Variants in PCDH9 observed in about 807,000 individuals in gnomAD.
PCDH9 encodes the protein protocadherin-9.
Under a neutral mutation model 70.6 loss-of-function variants are expected in PCDH9, and 24 were observed. The observed-to-expected ratio is 0.34, with a 90% CI of 0.25 to 0.48. PCDH9 has a LOEUF of 0.48. Among genes scored for constraint, PCDH9 ranks in the 20% least tolerant of loss-of-function variants. The probability of loss-of-function intolerance (pLI) is 0.99; values close to 1 mark genes in which losing one functional copy is unlikely to be tolerated. For synonymous variants in PCDH9, 562 were observed against 558.5 expected (o/e 1.01, Z -0.09); for missense variants, 1,281 against 1,503.6 (o/e 0.85, Z 2.45).
intron 3 of PCDH9, among the ~76,000 whole-genome samples, chr13:66,868,498 A>T (rs1488728013): frequency 4.0e-5 from 6 of 151,888 alleles, no homozygotes; most frequent in Admixed American, 2.6e-4. Context: ...TAAATATTTG[A>T]GGAACATCAA....
chr13:66,877,090 T>C (rs1594193430), intron 3 of PCDH9, among the ~76,000 whole-genome samples: 2 of 147,224 alleles, frequency 1.4e-5, no homozygotes, highest in South Asian at 2.2e-4. Context: ...GTCAGTCTTT[T>C]AACCATCAAA....
intron 3 of PCDH9, among the ~76,000 whole-genome samples, chr13:66,748,923 G>T (rs2079414490): frequency 6.6e-6 from 1 of 152,152 alleles, no homozygotes; most frequent in Non-Finnish European, 1.5e-5. Context: ...AATCATGGGG[G>T]AAGTCCCCCA....
At position 67,166,633 on chromosome 13, in the gene PCDH9, T is replaced by C. The variant is rs1225094526; in HGVS notation, c.3036+58772A>G. 9.9e-5 allele frequency among the ~76,000 whole-genome samples: 15 copies of C among 152,196 alleles called. No individual in the cohort carries two copies. In the South Asian group the frequency reaches 3.1e-3, roughly 31 times the overall value. On this transcript the variant is annotated intron_variant, in intron 2 of 4. Transcript: ENST00000377865. ...ATTTTACTATACTCATACATAAGGC[T>C]TGATCAGTAAAAATTTTTGAGTTTT...
chr13:67,072,003 C>A (rs765033393), intron 2 of PCDH9, among the ~76,000 whole-genome samples: 19 of 151,210 alleles, frequency 1.3e-4, no homozygotes, highest in Non-Finnish European at 2.4e-4. Context: ...TGCAATTGAA[C>A]GTTTGATAAC....
At chr13:66,725,948 A>ACACCTAATATTAGGTTTTGCATT (rs1410417700) in intron 3 of PCDH9, among the ~76,000 whole-genome samples, 2 of 152,200 alleles carry the variant, frequency 1.3e-5, no homozygotes, top group Non-Finnish European at 2.9e-5. Flanking sequence ...TGTTGGTTTA[A>ACACCTAATATTAGGTTTTGCATT]AATAGCCTAA....
chr13:66,932,750 T>C (rs1479143617), intron 2 of PCDH9, among the ~76,000 whole-genome samples: 1 of 150,062 alleles, frequency 6.7e-6, no homozygotes, highest in African/African-American at 2.5e-5. Flanking sequence ...TATCATATAA[T>C]GAACTTGCAA....
chr13:66,317,991 G>T (rs1955684451), intron 4 of PCDH9, among the ~76,000 whole-genome samples: 1 of 152,090 alleles, frequency 6.6e-6, no homozygotes, highest in Admixed American at 6.5e-5. Flanking sequence ...GTTATATTTT[G>T]AAAGAATCTC....
chr13:66,741,988 A>C (rs1208553935), intron 3 of PCDH9, among the ~76,000 whole-genome samples: 3 of 147,412 alleles, frequency 2.0e-5, no homozygotes, highest in Non-Finnish European at 4.5e-5. Flanking sequence ...ATTGGAAAAA[A>C]CTACTTTAAA....
At chr13:66,706,704 AG>A (rs527978158) in intron 3 of PCDH9, among the ~76,000 whole-genome samples, 140 of 152,376 alleles carry the variant, frequency 9.2e-4, no homozygotes, top group African/African-American at 3.1e-3. Flanking sequence ...GAAAGACAAG[AG>A]GCCAGCATTG....
intron 4 of PCDH9, among the ~76,000 whole-genome samples, chr13:66,513,535 C>G (rs1042841998): frequency 2.0e-5 from 3 of 152,128 alleles, no homozygotes; most frequent in Non-Finnish European, 4.4e-5. Context: ...AAAAACAACA[C>G]AGTCAGCACC....
chr13:66,733,060 C>A (rs570269372), intron 3 of PCDH9, among the ~76,000 whole-genome samples: 4 of 152,082 alleles, frequency 2.6e-5, no homozygotes, highest in African/African-American at 7.2e-5. Flanking sequence ...AGTGTTGGGT[C>A]CACCATTGAG....
At chr13:67,092,122 T>C (rs2086229922) in intron 2 of PCDH9, among the ~76,000 whole-genome samples, 1 of 152,172 alleles carries the variant, frequency 6.6e-6, no homozygotes, top group South Asian at 2.1e-4. Context: ...CTTATTTTCA[T>C]TTTGATCTTA....
intron 4 of PCDH9, among the ~76,000 whole-genome samples, chr13:66,379,785 T>C (rs1325233760): frequency 3.9e-5 from 6 of 152,290 alleles, no homozygotes; most frequent in African/African-American, 1.4e-4. Flanking sequence ...ATTATATTTT[T>C]GCCTGTATAT....
chr13:67,149,822 C>A (rs978543324), intron 2 of PCDH9, among the ~76,000 whole-genome samples: 3 of 152,054 alleles, frequency 2.0e-5, no homozygotes, highest in Admixed American at 6.5e-5. Flanking sequence ...CGAACACTTT[C>A]ATGCAAATTA....
chr13:66,960,531 G>T (rs972006385), intron 2 of PCDH9, among the ~76,000 whole-genome samples: 4 of 152,024 alleles, frequency 2.6e-5, no homozygotes, highest in African/African-American at 9.7e-5. Context: ...ATTAAATTCT[G>T]CCCAAGAAAT....
At chr13:66,872,255 G>T (rs879365694) in intron 3 of PCDH9, among the ~76,000 whole-genome samples, 3 of 152,058 alleles carry the variant, frequency 2.0e-5, no homozygotes, top group Non-Finnish European at 2.9e-5. Context: ...TGCCAGATTT[G>T]GATGAGTATT....
Position 66,611,502 on chromosome 13 carries a change from C to T in PCDH9, c.3340+19708G>A, listed in dbSNP as rs1297795998. 2.0e-5 allele frequency among the ~76,000 whole-genome samples: 3 copies of T among 152,152 alleles called. No individual in the cohort carries two copies. The East Asian group carries it at 5.8e-4, about 29-fold the overall frequency. On this transcript the variant is annotated intron_variant, in intron 4 of 4. Transcript: ENST00000377865. ...TCCTACAGAAATACCAAAATCCCTC[C>T]ATGTCACTATTCAAAGCTGTTTTTC...
intron 2 of PCDH9, among the ~76,000 whole-genome samples, chr13:67,000,387 C>T (rs1243389966): frequency 6.6e-5 from 10 of 150,514 alleles, no homozygotes; most frequent in African/African-American, 1.2e-4. Flanking sequence ...TGCTAAATGA[C>T]GAGTTAATGG....
chr13:67,185,193 T>C (rs2138496682), intron 2 of PCDH9, among the ~76,000 whole-genome samples: 1 of 152,378 alleles, frequency 6.6e-6, no homozygotes, highest in South Asian at 2.1e-4. Context: ...TGTTTTGTTA[T>C]ATTCTCATGT....
Sources: allele counts gnomAD v4.1 joint callset (sites outside exome capture counted in the v4.1 genomes callset), GRCh38; gene constraint gnomAD v4.1.1; transcripts MANE v1.5; gene names NCBI Gene and HGNC (gene_info 2026-07-23, HGNC 2026-07-21).